Variants in SCAI observed in about 807,000 individuals in gnomAD.
SCAI encodes suppressor of cancer cell invasion, also known as protein SCAI.
SCAI carries 24 observed loss-of-function variants against 92.2 expected under a neutral mutation model. The observed-to-expected ratio is 0.26, with a 90% CI of 0.19 to 0.37. The LOEUF is 0.37. Among genes scored for constraint, SCAI ranks in the 10% least tolerant of loss-of-function variants. SCAI has a pLI of 1.00. For synonymous variants in SCAI, 261 were observed against 258.6 expected, an observed-to-expected ratio of 1.01 and a Z score of -0.09; for missense variants, 450 against 736.2, an observed-to-expected ratio of 0.61 and a Z score of 4.50.
intron 14 of SCAI, among the ~76,000 whole-genome samples, chr9:124,976,934 T>C (rs1404548853): frequency 6.6e-6 from 1 of 151,940 alleles, no homozygotes; most frequent in Non-Finnish European, 1.5e-5. Flanking sequence ...AATGGCACGA[T>C]CTCGGTTCAC....
chr9:125,111,082 T>C (rs1159337977), intron 2 of SCAI, among the ~76,000 whole-genome samples: 1 of 152,172 alleles, frequency 6.6e-6, no homozygotes, highest in Non-Finnish European at 1.5e-5. Context: ...AGAAGGGCAG[T>C]GTATGTACAA....
chr9:125,008,949 C>T (rs1832572123), intron 9 of SCAI, among the ~76,000 whole-genome samples: 1 of 151,880 alleles, frequency 6.6e-6, no homozygotes, highest in Admixed American at 6.6e-5. Context: ...CTTAAAAACA[C>T]ACAGAGGAAA....
intron 2 of SCAI, among the ~76,000 whole-genome samples, chr9:125,079,583 GT>G (rs58769304): frequency 5.1e-4 from 77 of 151,000 alleles, no homozygotes; most frequent in Non-Finnish European, 8.1e-4. Context: ...AAAATGCCTG[GT>G]TTTTTTTTAA....
intron 2 of SCAI, among the ~76,000 whole-genome samples, chr9:125,128,689 C>A (rs1201074715): frequency 2.0e-5 from 3 of 150,076 alleles, no homozygotes; most frequent in Admixed American, 1.3e-4. Flanking sequence ...GGAGGCAGAG[C>A]TTGCAGTGAG....
At chr9:125,095,249 C>T (rs1261390120) in intron 2 of SCAI, among the ~76,000 whole-genome samples, 1 of 152,216 alleles carries the variant, frequency 6.6e-6, no homozygotes, top group Non-Finnish European at 1.5e-5. Flanking sequence ...GTGGAGTCAG[C>T]TCCTGTTGTT....
At chr9:125,040,780 C>G (rs1218993965) in intron 3 of SCAI, among the ~76,000 whole-genome samples, 1 of 150,934 alleles carries the variant, frequency 6.6e-6, no homozygotes, top group Non-Finnish European at 1.5e-5. Context: ...TGCACACCAC[C>G]ATGTCCAATT....
At chr9:125,064,908 C>A (rs1833845117) in intron 2 of SCAI, among the ~76,000 whole-genome samples, 1 of 152,004 alleles carries the variant, frequency 6.6e-6, no homozygotes, top group African/African-American at 2.4e-5. Context: ...GTAAATAATT[C>A]ACGGGTCAAA....
chr9:125,100,213 A>ATTG (rs2131211671), intron 2 of SCAI, among the ~76,000 whole-genome samples: 1 of 152,358 alleles, frequency 6.6e-6, no homozygotes, highest in South Asian at 2.1e-4. Flanking sequence ...TTAGCTTAGA[A>ATTG]TTGCAACTTG....
At chr9:125,022,399 C>T (rs1006822469) in intron 6 of SCAI, among the ~76,000 whole-genome samples, 2 of 152,032 alleles carry the variant, frequency 1.3e-5, no homozygotes, top group East Asian at 3.8e-4. Context: ...TCTCTGTCTA[C>T]CTTACATCTT....
At chr9:124,953,105 T>C in intron 17 of SCAI, 152 bp from the exon 18 acceptor site, 1 of 690,050 alleles carries the variant, frequency 1.4e-6, no homozygotes, top group Non-Finnish European at 2.5e-6. Context: ...ATTGCTGATA[T>C]TTAACCATTT....
intron 14 of SCAI, among the ~76,000 whole-genome samples, chr9:124,985,270 C>CAGAAAACAAA (rs369198975): frequency 0.019 from 2,903 of 152,118 alleles, 83 homozygotes; most frequent in African/African-American, 0.066. Context: ...TGATGCTGAG[C>CAGAAAACAAA]AGAAAACAAA....
At chr9:125,036,628 AT>A (rs928499503) in intron 3 of SCAI, among the ~76,000 whole-genome samples, 2 of 152,158 alleles carry the variant, frequency 1.3e-5, no homozygotes, top group Non-Finnish European at 2.9e-5. Context: ...ATTTTAATTC[AT>A]TTTTTGAATT....
At chr9:124,968,804 G>T in intron 17 of SCAI, 1 of 733,354 alleles carries the variant, frequency 1.4e-6, no homozygotes, top group East Asian at 2.7e-5. Context: ...CAGTGCGCAG[G>T]CCCCAGCAGC....
At chr9:124,993,019 A>T (rs1832166489) in intron 14 of SCAI, among the ~76,000 whole-genome samples, 1 of 152,232 alleles carries the variant, frequency 6.6e-6, no homozygotes, top group African/African-American at 2.4e-5. Context: ...GGAGAAACTA[A>T]TGGATTGCTA....
intron 2 of SCAI, among the ~76,000 whole-genome samples, chr9:125,130,771 C>T (rs909793617): frequency 2.0e-5 from 3 of 151,730 alleles, no homozygotes; most frequent in African/African-American, 7.3e-5. Flanking sequence ...GTGTGACCCA[C>T]TGTGCCCGGC....
At chr9:124,956,043 C>T (rs1588113897) in intron 17 of SCAI, among the ~76,000 whole-genome samples, 2 of 152,054 alleles carry the variant, frequency 1.3e-5, no homozygotes, top group South Asian at 2.1e-4. Flanking sequence ...ATGAGGTCAG[C>T]GCTATCCTGA....
intron 5 of SCAI, among the ~76,000 whole-genome samples, chr9:125,027,396 C>T (rs2131084454): frequency 6.6e-6 from 1 of 152,302 alleles, no homozygotes; most frequent in Non-Finnish European, 1.5e-5. Context: ...TCTAGTTTTA[C>T]AAGGGACTTT....
intron 3 of SCAI, among the ~76,000 whole-genome samples, chr9:125,047,790 TA>T (rs1833476249): frequency 6.6e-6 from 1 of 152,228 alleles, no homozygotes; most frequent in East Asian, 1.9e-4. Flanking sequence ...AGACTTAGTA[TA>T]AAAAACAATG....
intron 3 of SCAI, 100 bp from the exon 4 acceptor site, chr9:125,029,839 A>G (rs1833035954): frequency 1.6e-6 from 1 of 609,870 alleles, no homozygotes; most frequent in Non-Finnish European, 2.6e-6. Context: ...AAATGCTTGC[A>G]TTCAGGCTTT....
Sources: allele counts gnomAD v4.1 joint callset (sites outside exome capture counted in the v4.1 genomes callset), GRCh38; gene constraint gnomAD v4.1.1; transcripts MANE v1.5; gene names NCBI Gene and HGNC (gene_info 2026-07-23, HGNC 2026-07-21).